LRRC4C: variants seen among roughly 807,000 people sequenced by gnomAD.
The protein encoded by LRRC4C is leucine-rich repeat-containing protein 4C.
Under a neutral mutation model 33.6 loss-of-function variants are expected in LRRC4C, and 5 were observed. The observed-to-expected ratio is 0.15, with a 90% CI of 0.08 to 0.31. LRRC4C has a LOEUF of 0.31. Ranked by LOEUF, LRRC4C falls within the 10% of genes least tolerant of loss-of-function variation. The pLI is 1.00. For missense variants in LRRC4C, 560 were observed against 796.7 expected (o/e 0.70, Z 3.58); for synonymous variants, 329 against 302.0 (o/e 1.09, Z -0.93).
intron 1 of LRRC4C, among the ~76,000 whole-genome samples, chr11:41,331,083 G>A (rs7125162): frequency 0.059 from 9,022 of 152,078 alleles, 310 homozygotes; most frequent in South Asian, 0.085. Flanking sequence ...ATAAGCAGAG[G>A]GTCCAACATA....
intron 1 of LRRC4C, among the ~76,000 whole-genome samples, chr11:41,056,726 C>G (rs747090093): frequency 2.0e-5 from 3 of 152,180 alleles, no homozygotes; most frequent in Admixed American, 6.5e-5. Flanking sequence ...CATATCATAC[C>G]AGTCAGAGTG....
intron 5 of LRRC4C, among the ~76,000 whole-genome samples, chr11:40,193,760 A>T (rs1862034922): frequency 6.6e-6 from 1 of 152,166 alleles, no homozygotes; most frequent in Admixed American, 6.5e-5. Context: ...GGAATGACAT[A>T]AATGACCTGA....
chr11:40,240,000 G>A (rs553096837), intron 5 of LRRC4C, among the ~76,000 whole-genome samples: 9 of 152,212 alleles, frequency 5.9e-5, no homozygotes, highest in Admixed American at 4.6e-4. Context: ...AACCTGAATC[G>A]GAACTGGCAT....
chr11:40,266,317 A>C (rs1942252356), intron 4 of LRRC4C, among the ~76,000 whole-genome samples: 2 of 151,858 alleles, frequency 1.3e-5, no homozygotes, highest in South Asian at 4.2e-4. Flanking sequence ...AAAAAAATTA[A>C]AATAAATAAA....
At chr11:41,234,845 T>A (rs1055462341) in intron 1 of LRRC4C, among the ~76,000 whole-genome samples, 1 of 152,052 alleles carries the variant, frequency 6.6e-6, no homozygotes, top group Non-Finnish European at 1.5e-5. Flanking sequence ...TGTTCATAAC[T>A]TGTAAGTAGT....
chr11:41,300,180 T>G (rs1371327660), intron 1 of LRRC4C, among the ~76,000 whole-genome samples: 7 of 152,184 alleles, frequency 4.6e-5, no homozygotes, highest in Non-Finnish European at 4.4e-5. Flanking sequence ...GGAAATTATT[T>G]ACTAACACTT....
chr11:40,623,097 G>T (rs10768613), intron 3 of LRRC4C, among the ~76,000 whole-genome samples: 1 of 151,212 alleles, frequency 6.6e-6, no homozygotes, highest in Admixed American at 6.6e-5. Context: ...TTGTATTTTA[G>T]AATCTACCAA....
At chr11:40,724,237 T>A (rs968063800) in intron 2 of LRRC4C, among the ~76,000 whole-genome samples, 3 of 152,192 alleles carry the variant, frequency 2.0e-5, no homozygotes, top group Non-Finnish European at 4.4e-5. Flanking sequence ...TGGACTCTAT[T>A]TGACACTTGA....
intron 1 of LRRC4C, among the ~76,000 whole-genome samples, chr11:41,195,664 T>A (rs1484871820): frequency 6.6e-6 from 1 of 151,992 alleles, no homozygotes; most frequent in Non-Finnish European, 1.5e-5. Flanking sequence ...CACAGAATAA[T>A]CAATAACATC....
chr11:40,469,524 G>A (rs897601851), intron 3 of LRRC4C, among the ~76,000 whole-genome samples: 2 of 152,102 alleles, frequency 1.3e-5, no homozygotes, highest in Non-Finnish European at 2.9e-5. Flanking sequence ...GAATACCAGC[G>A]AGACAGAACT....
chr11:40,932,590 G>A (rs1167367223), intron 2 of LRRC4C, among the ~76,000 whole-genome samples: 1 of 152,070 alleles, frequency 6.6e-6, no homozygotes, highest in African/African-American at 2.4e-5. Flanking sequence ...ATTGGTAAAG[G>A]AATGAAAGTG....
intron 2 of LRRC4C, among the ~76,000 whole-genome samples, chr11:40,825,086 A>G (rs2135498133): frequency 6.6e-6 from 1 of 152,088 alleles, no homozygotes; most frequent in East Asian, 1.9e-4. Context: ...AGCTTCACTT[A>G]ATCTTAATAA....
chr11:40,585,623 T>A (rs1380254595), intron 3 of LRRC4C, among the ~76,000 whole-genome samples: 4 of 66,048 alleles, frequency 6.1e-5, no homozygotes, highest in Non-Finnish European at 8.3e-5. Context: ...CCCTCCCCCC[T>A]CCCCCCACCC....
intron 1 of LRRC4C, among the ~76,000 whole-genome samples, chr11:41,057,492 A>C (rs1188650486): frequency 3.3e-5 from 5 of 152,178 alleles, no homozygotes; most frequent in African/African-American, 4.8e-5. Flanking sequence ...TCTTCAGGCC[A>C]GGGAGGGCCT....
intron 3 of LRRC4C, among the ~76,000 whole-genome samples, chr11:40,354,736 G>T (rs1584745): frequency 3.3e-5 from 5 of 152,004 alleles, no homozygotes; most frequent in Non-Finnish European, 1.5e-5. Flanking sequence ...CAGGACAGTC[G>T]GCTTCCCTGT....
chr11:41,375,083 T>C (rs1186332494), intron 1 of LRRC4C, among the ~76,000 whole-genome samples: 1 of 152,096 alleles, frequency 6.6e-6, no homozygotes, highest in Admixed American at 6.5e-5. Flanking sequence ...GCTGTGATGG[T>C]ACCACTGCAC....
chr11:40,245,003 T>G (rs1866217871), intron 4 of LRRC4C, among the ~76,000 whole-genome samples: 1 of 152,198 alleles, frequency 6.6e-6, no homozygotes, highest in Non-Finnish European at 1.5e-5. Flanking sequence ...AATAGGCTCC[T>G]AAAGAATTAT....
intron 1 of LRRC4C, among the ~76,000 whole-genome samples, chr11:40,948,101 C>G (rs902678134): frequency 2.6e-5 from 4 of 152,054 alleles, no homozygotes; most frequent in African/African-American, 9.7e-5. Flanking sequence ...TTAAATGGCT[C>G]AAAGGAAGCC....
At chr11:40,243,121 T>C (rs1866048518) in intron 4 of LRRC4C, among the ~76,000 whole-genome samples, 1 of 152,212 alleles carries the variant, frequency 6.6e-6, no homozygotes, top group Non-Finnish European at 1.5e-5. Flanking sequence ...ATGTGGCTTC[T>C]GGAATAACAG....
Sources: allele counts gnomAD v4.1 joint callset (sites outside exome capture counted in the v4.1 genomes callset), GRCh38; gene constraint gnomAD v4.1.1; transcripts MANE v1.5; gene names NCBI Gene and HGNC (gene_info 2026-07-23, HGNC 2026-07-21).